Variants in NRG3 observed in about 807,000 individuals in gnomAD.
NRG3 encodes neuregulin 3, also known as pro-neuregulin-3, membrane-bound isoform.
In NRG3, 31 loss-of-function variants were observed where a neutral mutation model predicts 66.9. The ratio of observed to expected loss-of-function variants is 0.46; its 90% CI spans 0.35 to 0.63. NRG3 has a LOEUF of 0.63. Among genes scored for constraint, NRG3 ranks in the 20% least tolerant of loss-of-function variants. The pLI is 0.00. For synonymous variants in NRG3, 393 were observed against 359.4 expected (o/e 1.09, Z -1.06); for missense variants, 910 against 878.9 (o/e 1.04, Z -0.45).
At chr10:82,358,177 T>C (rs2083898808) in intron 1 of NRG3, among the ~76,000 whole-genome samples, 1 of 152,200 alleles carries the variant, frequency 6.6e-6, no homozygotes, top group South Asian at 2.1e-4. Context: ...ACATTCTTCA[T>C]ATTTGAGAAT....
At chr10:82,556,574 G>A (rs1422629283) in intron 2 of NRG3, among the ~76,000 whole-genome samples, 1 of 152,094 alleles carries the variant, frequency 6.6e-6, no homozygotes, top group Non-Finnish European at 1.5e-5. Context: ...TGCCCTTTCT[G>A]TGTTGTCTGG....
At chr10:82,270,199 T>A (rs1286736181) in intron 1 of NRG3, among the ~76,000 whole-genome samples, 2 of 152,178 alleles carry the variant, frequency 1.3e-5, no homozygotes, top group Non-Finnish European at 2.9e-5. Flanking sequence ...ATCCATTTCC[T>A]TTTCATTATT....
rs1380744979 is a variant in NRG3 at position 82,258,351 on chromosome 10, T to C, written c.824-100388T>C. Reference sequence around the variant, plus strand: ...ATTTTTATATTTGATCATTTTATTTTTCTTATTAGAGTCCATTATTCTCCT... The same window carrying C: ...ATTTTTATATTTGATCATTTTATTTCTCTTATTAGAGTCCATTATTCTCCT... On this transcript the variant is annotated intron_variant, in intron 1 of 8. Transcript: ENST00000372141. 2.0e-5 allele frequency among the ~76,000 whole-genome samples: 3 copies of C among 152,224 alleles called. No homozygotes were observed. In the East Asian group the frequency reaches 5.8e-4, roughly 29 times the overall value.
intron 3 of NRG3, among the ~76,000 whole-genome samples, chr10:82,766,947 T>C (rs2059536114): frequency 6.6e-6 from 1 of 150,840 alleles, no homozygotes; most frequent in Non-Finnish European, 1.5e-5. Context: ...TTTTGAAATC[T>C]AGTACTCTAC....
chr10:82,929,610 G>A (rs1847352951), intron 4 of NRG3, among the ~76,000 whole-genome samples: 2 of 152,066 alleles, frequency 1.3e-5, no homozygotes, highest in South Asian at 4.1e-4. Flanking sequence ...ACAGAAATGT[G>A]CAGTGGCTCA....
At position 82,739,688 on chromosome 10, in the gene NRG3, A is replaced by G. The variant is rs1430656219; in HGVS notation, c.1027+1038A>G. 3.9e-5 allele frequency among the ~76,000 whole-genome samples: 6 copies of G among 152,294 alleles called. No homozygotes were observed. The South Asian group carries it at 6.2e-4, about 16-fold the overall frequency. On this transcript the variant is annotated intron_variant, in intron 3 of 8. Coordinates refer to ENST00000372141, the MANE Select transcript of NRG3 (RefSeq NM_001010848.4). ...AAAAGGTTTTGTTTAATTTAATTTA[A>G]TTCTATTTTATCTTGACGAAGCAAT...
intron 1 of NRG3, among the ~76,000 whole-genome samples, chr10:81,926,236 G>T (rs1846763834): frequency 6.6e-6 from 1 of 152,142 alleles, no homozygotes; most frequent in African/African-American, 2.4e-5. Context: ...TCCTGCCTCA[G>T]TCTCCGGAGT....
chr10:82,984,317 T>C (rs1124013), intron 8 of NRG3, among the ~76,000 whole-genome samples: 83,585 of 152,014 alleles, frequency 0.55, 23,681 homozygotes, highest in Non-Finnish European at 0.63. Flanking sequence ...TGATGGCATA[T>C]TGGCATTCTT....
intron 4 of NRG3, among the ~76,000 whole-genome samples, chr10:82,904,151 T>C (rs1354069522): frequency 6.6e-6 from 1 of 152,208 alleles, no homozygotes; most frequent in African/African-American, 2.4e-5. Flanking sequence ...CAGGACAGCT[T>C]TGAATGCAGC....
At chr10:82,843,434 G>A (rs1392836406) in intron 3 of NRG3, among the ~76,000 whole-genome samples, 1 of 152,102 alleles carries the variant, frequency 6.6e-6, no homozygotes, top group Non-Finnish European at 1.5e-5. Flanking sequence ...CTCCAGAAAT[G>A]AGAGCCAATA....
chr10:82,496,340 C>G (rs181244690), intron 2 of NRG3, among the ~76,000 whole-genome samples: 132 of 152,314 alleles, frequency 8.7e-4, no homozygotes, highest in African/African-American at 3.1e-3. Context: ...AATAACACCA[C>G]TGTAATCTGC....
At chr10:81,983,532 A>G (rs1300061272) in intron 1 of NRG3, among the ~76,000 whole-genome samples, 2 of 152,184 alleles carry the variant, frequency 1.3e-5, no homozygotes, top group Non-Finnish European at 2.9e-5. Context: ...CTTTTAAAGG[A>G]TGAATGTTGA....
At chr10:82,219,814 A>G (rs1303943731) in intron 1 of NRG3, among the ~76,000 whole-genome samples, 2 of 152,104 alleles carry the variant, frequency 1.3e-5, no homozygotes, top group African/African-American at 4.8e-5. Context: ...TAATAGTTCT[A>G]CGTGAATAAA....
intron 1 of NRG3, among the ~76,000 whole-genome samples, chr10:81,922,155 A>T (rs1464915259): frequency 6.6e-6 from 1 of 152,118 alleles, no homozygotes; most frequent in Non-Finnish European, 1.5e-5. Flanking sequence ...TTGTCATCTC[A>T]TCATTTGTTA....
chr10:81,989,514 A>G (rs1026230401), intron 1 of NRG3, among the ~76,000 whole-genome samples: 6 of 152,214 alleles, frequency 3.9e-5, no homozygotes, highest in Admixed American at 1.3e-4. Flanking sequence ...TTTACTTACT[A>G]TATTAAATGT....
chr10:82,373,915 C>T (rs1395198913), intron 2 of NRG3, among the ~76,000 whole-genome samples: 1 of 152,032 alleles, frequency 6.6e-6, no homozygotes, highest in Admixed American at 6.5e-5. Flanking sequence ...ACAAGCTAAC[C>T]AAAACATTAT....
At chr10:82,609,013 TA>T (rs1457776132) in intron 2 of NRG3, among the ~76,000 whole-genome samples, 6 of 152,194 alleles carry the variant, frequency 3.9e-5, no homozygotes, top group Non-Finnish European at 8.8e-5. Flanking sequence ...GATTTTAATT[TA>T]AAAAGAAGAA....
intron 1 of NRG3, among the ~76,000 whole-genome samples, chr10:82,251,609 C>T (rs370647544): frequency 3.3e-4 from 51 of 152,274 alleles, no homozygotes; most frequent in African/African-American, 1.2e-3. Context: ...GGTGCCGCTC[C>T]TGACCACCCA....
chr10:82,510,510 G>C (rs1407421561), intron 2 of NRG3, among the ~76,000 whole-genome samples: 2 of 152,164 alleles, frequency 1.3e-5, no homozygotes, highest in Admixed American at 6.5e-5. Context: ...TTCCCAGATG[G>C]TACTTTTGGA....
Sources: gnomAD v4.1 joint callset for allele counts (sites outside exome capture counted in the v4.1 genomes callset) on GRCh38, gnomAD v4.1.1 for gene constraint, MANE v1.5 for transcripts, NCBI Gene and HGNC (gene_info 2026-07-23, HGNC 2026-07-21) for gene names.